KCNA3: variants seen among roughly 807,000 people sequenced by gnomAD.
The protein encoded by KCNA3 is RP11-284N8.3.
In KCNA3, 18 loss-of-function variants were observed where a neutral mutation model predicts 34.3. The ratio of observed to expected loss-of-function variants is 0.52; its 90% CI spans 0.36 to 0.78. KCNA3 has a LOEUF of 0.78. Among genes scored for constraint, KCNA3 ranks in the 30% least tolerant of loss-of-function variants. The probability of loss-of-function intolerance (pLI) is 0.00; values close to 1 mark genes in which losing one functional copy is unlikely to be tolerated. For synonymous variants in KCNA3, 324 were observed against 351.7 expected (o/e 0.92, Z 0.88); for missense variants, 587 against 802.5 (o/e 0.73, Z 3.24).
At chr1:110,658,942 TA>T in the KCNA3 span, among the ~76,000 whole-genome samples, 1 of 152,128 alleles carries the variant, frequency 6.6e-6, no homozygotes, top group Admixed American at 6.5e-5. Context: ...TCATTTTGAT[TA>T]AAAAATAAAA....
At chr1:110,664,789 G>C in the KCNA3 span, among the ~76,000 whole-genome samples, 1 of 152,202 alleles carries the variant, frequency 6.6e-6, no homozygotes, top group African/African-American at 2.4e-5. Flanking sequence ...GGAAAAATAA[G>C]AAGAGAAAGG....
the KCNA3 span, chr1:110,655,613 T>C: frequency 1.3e-5 from 2 of 152,086 alleles, no homozygotes; most frequent in South Asian, 4.1e-4. Context: ...AAAACCAAAA[T>C]GATCAGATTA....
chr1:110,655,186 G>A, the KCNA3 span: 16 of 152,018 alleles, frequency 1.1e-4, no homozygotes, highest in East Asian at 2.9e-3. Flanking sequence ...GTGTGTAAGA[G>A]CTTTTAAACT....
At position 110,672,971 on chromosome 1, in the gene KCNA3, C is replaced by T. The variant is rs1235515655; in HGVS notation, c.*111G>A. The stretch of plus-strand genomic sequence containing the variant: ...GAATGAAGTGTGCTTTCCACTTCTT[C>T]AGGTCCTTTCCTTGATGAATGGTCT... On this transcript the variant is annotated 3_prime_UTR_variant, in exon 1 of 1. Coordinates refer to ENST00000369769, the MANE Select transcript of KCNA3 (RefSeq NM_002232.5). 3.7e-6 allele frequency: 4 copies of T among 1,087,898 alleles called. No homozygotes were observed. The highest frequency in any genetic ancestry group is 5.3e-6 in the Non-Finnish European group (4 of 750,998). The allele number at this position is 1,087,898 out of a possible 1,614,324, so 67.4% of individuals were successfully genotyped here.
downstream of KCNA3, among the ~76,000 whole-genome samples, chr1:110,671,945 A>T (rs865998187): frequency 6.6e-6 from 1 of 152,220 alleles, no homozygotes; most frequent in Non-Finnish European, 1.5e-5. Context: ...TTCAGTCATT[A>T]TGGAATGACA....
At chr1:110,668,786 T>C (rs1557757101), downstream of KCNA3, among the ~76,000 whole-genome samples, 3 of 152,168 alleles carry the variant, frequency 2.0e-5, no homozygotes, top group Non-Finnish European at 4.4e-5. Context: ...ACTGATCCAG[T>C]CACACCTCCT....
chr1:110,666,614 G>A, the KCNA3 span, among the ~76,000 whole-genome samples: 1 of 152,116 alleles, frequency 6.6e-6, no homozygotes, highest in African/African-American at 2.4e-5. Context: ...TCGGATTTTG[G>A]TCTCAAAAAG....
chr1:110,674,846 GCTC>G lies in KCNA3; in HGVS notation c.-40_-38del. On this transcript the variant is annotated 5_prime_UTR_variant, in exon 1 of 1. Coordinates refer to ENST00000369769, the MANE Select transcript of KCNA3 (RefSeq NM_002232.5). The surrounding 1 kb of genome is among the most constrained non-coding windows in gnomAD (Gnocchi z 6.4). ...GAGGCGGCAGCGGTGAGGCCAGGTC[GCTC>G]CTCCTCGCGCTCCCCGCCCTTTCGC... 6 of 1,285,772 alleles carry G rather than the reference GCTC, an allele frequency of 4.7e-6. No individual in the cohort carries two copies. Among genetic ancestry groups the G allele is most frequent in the Non-Finnish European group, 5.9e-6 (6 of 1,020,106 alleles). 79.6% of individuals were successfully genotyped at this position (1,285,772 alleles called of 1,614,324 possible). A position where few individuals can be genotyped will look rare whatever the true frequency, so the allele number is the denominator to read the frequency against.
At chr1:110,654,901 A>G in the KCNA3 span, 2 of 152,140 alleles carry the variant, frequency 1.3e-5, no homozygotes, top group Non-Finnish European at 2.9e-5. Flanking sequence ...TAAACTTCAG[A>G]TGACATTAGT....
the KCNA3 span, among the ~76,000 whole-genome samples, chr1:110,662,754 A>T: frequency 6.6e-6 from 1 of 152,208 alleles, no homozygotes; most frequent in Admixed American, 6.5e-5. Context: ...TGGGAAAATG[A>T]GCTGTGAGGT....
At chr1:110,671,561 C>T (rs1025082308), downstream of KCNA3, among the ~76,000 whole-genome samples, 9 of 152,184 alleles carry the variant, frequency 5.9e-5, no homozygotes, top group African/African-American at 1.9e-4. Context: ...TCCTGTCCCT[C>T]CTTTTAATTG....
Position 110,673,367 on chromosome 1 carries a change from G to C in KCNA3, c.1443C>G (p.Ser481=). The change falls in exon 1 of 1, where the codon TCC becomes TCG. Residue 481 remains serine, a synonymous_variant. Transcript: ENST00000369769. The surrounding 1 kb of genome is among the most constrained non-coding windows in gnomAD (Gnocchi z 8.8). ...CCCGGTGGTAGAAGTAATTGAAGTT[G>C]GAAACAATCACGGGAACTGGCAATG... ...TIALPVPVIV[S]NFNYFYHRET... 6.2e-7 allele frequency: 1 copy of C among 1,613,970 alleles called. No homozygotes were observed. Among genetic ancestry groups the C allele is most frequent in the Non-Finnish European group, 8.5e-7 (1 of 1,179,996 alleles).
Position 110,674,080 on chromosome 1 carries a change from T to C in KCNA3, c.730A>G (p.Ile244Val). The C allele has an allele frequency of 6.2e-7, 1 of 1,608,498 alleles. No individual in the cohort carries two copies. Among genetic ancestry groups the C allele is most frequent in the East Asian group, 2.2e-5 (1 of 44,750 alleles). The change falls in exon 1 of 1, where the codon ATC (isoleucine) becomes GTC (valine). Residue 244 changes from isoleucine (I) to valine (V), a missense_variant. Around this residue, in one of 7 missense-constraint regions of KCNA3, gnomAD observed 9 missense variants for 26.8 expected, o/e 0.34. Coordinates refer to ENST00000369769, the MANE Select transcript of KCNA3 (RefSeq NM_002232.5). This position sits in a 1 kb window ranked among gnomAD's most constrained non-coding sequence, Gnocchi z 6.4. ...RGIAIVSVLVILISIVIFCLE... is the reference protein window; with the variant it reads ...RGIAIVSVLVVLISIVIFCLE... Reference sequence around the variant, plus strand: ...CAGAAGATGACAATGGAGATGAGGATGACCAGCACGGACACGATGGCGATG... The same window carrying C: ...CAGAAGATGACAATGGAGATGAGGACGACCAGCACGGACACGATGGCGATG...
the KCNA3 span, among the ~76,000 whole-genome samples, chr1:110,665,400 G>A: frequency 6.6e-6 from 1 of 152,132 alleles, no homozygotes; most frequent in Non-Finnish European, 1.5e-5. Flanking sequence ...AGAAAAAGAA[G>A]AATCAAGGAT....
Position 110,674,710 on chromosome 1 carries a change from T to C in KCNA3, c.100A>G (p.Thr34Ala), listed in dbSNP as rs1469148580. ...TCCGCGTAGCCGTGGTTCACCAGCG[T>C]GTGGGCACCGCCGCTGCTCGCTGGG... is the stretch of plus-strand genomic sequence containing the variant. ...QRPASSGGAH[T>A]LVNHGYAEPA... The change falls in exon 1 of 1, where the codon ACG becomes GCG. Residue 34 changes from threonine to alanine, a missense_variant. Coordinates refer to ENST00000369769, the MANE Select transcript of KCNA3 (RefSeq NM_002232.5). The surrounding 1 kb of genome is among the most constrained non-coding windows in gnomAD (Gnocchi z 6.4). 2.0e-6 allele frequency: 3 copies of C among 1,478,774 alleles called. No individual in the cohort carries two copies. Among genetic ancestry groups the C allele is most frequent in the Non-Finnish European group, 2.7e-6 (3 of 1,124,336 alleles). 91.6% of individuals were successfully genotyped at this position (1,478,774 alleles called of 1,614,324 possible).
chr1:110,656,180 A>G, the KCNA3 span: 1 of 152,216 alleles, frequency 6.6e-6, no homozygotes, highest in African/African-American at 2.4e-5. Context: ...GATTTGTTAC[A>G]TGTTTATTAA....
chr1:110,653,624 G>A, the KCNA3 span: 3 of 152,018 alleles, frequency 2.0e-5, no homozygotes, highest in Non-Finnish European at 4.4e-5. Context: ...TAAATCCAAT[G>A]AGAAATTTAA....
chr1:110,662,246 C>A, the KCNA3 span, among the ~76,000 whole-genome samples: 1 of 151,528 alleles, frequency 6.6e-6, no homozygotes, highest in African/African-American at 2.4e-5. Flanking sequence ...AAAACAGTGA[C>A]CTATAATTGA....
chr1:110,661,371 G>T, the KCNA3 span, among the ~76,000 whole-genome samples: 6 of 152,138 alleles, frequency 3.9e-5, no homozygotes, highest in African/African-American at 1.4e-4. Flanking sequence ...ACAGATCACT[G>T]CTCATCAGTG....
Sources: allele counts gnomAD v4.1 joint callset (sites outside exome capture counted in the v4.1 genomes callset), GRCh38; gene constraint gnomAD v4.1.1; regional missense constraint gnomAD v4.1.1; non-coding constraint Gnocchi (gnomAD v3.1); transcripts MANE v1.5; gene names NCBI Gene and HGNC (gene_info 2026-07-23, HGNC 2026-07-21).